ATP5MC2: variants seen among roughly 807,000 people sequenced by gnomAD.
ATP5MC2 encodes the protein ATP synthase F(0) complex subunit C2, mitochondrial.
A neutral mutation model predicts 13.5 loss-of-function variants in ATP5MC2; 11 were observed. The ratio of observed to expected loss-of-function variants is 0.81; its 90% CI spans 0.51 to 1.35. The LOEUF (loss-of-function observed/expected upper bound fraction) is 1.35, where lower values mean the gene tolerates loss of function less well. Among genes scored for constraint, ATP5MC2 ranks in the 40% most tolerant of loss-of-function variants. The probability of loss-of-function intolerance (pLI) is 0.00; values close to 1 mark genes in which losing one functional copy is unlikely to be tolerated. For missense variants in ATP5MC2, 132 were observed against 175.0 expected (o/e 0.75, Z 1.39); for synonymous variants, 64 against 69.7 (o/e 0.92, Z 0.41).
upstream of ATP5MC2, among the ~76,000 whole-genome samples, chr12:53,680,705 A>G (rs1375312612): frequency 6.6e-6 from 1 of 152,158 alleles, no homozygotes; most frequent in Non-Finnish European, 1.5e-5. Flanking sequence ...AAAATTATGA[A>G]ATATTTGATT....
chr12:53,675,384 T>A, intron 1 of ATP5MC2, among the ~76,000 whole-genome samples: 1 of 152,160 alleles, frequency 6.6e-6, no homozygotes, highest in African/African-American at 2.4e-5. Context: ...CATTTGTGAC[T>A]TTTACAACTT....
At position 53,665,391 on chromosome 12, in the gene ATP5MC2, T is replaced by C. The variant is rs1478690985; in HGVS notation, c.349A>G (p.Ile117Val). The change falls in exon 5 of 5, where the codon ATT (isoleucine) becomes GTT (valine). Residue 117 changes from isoleucine (I) to valine (V), a missense_variant. By Grantham distance (29) the Ile-to-Val change is conservative (BLOSUM62 3). Coordinates refer to ENST00000394349, the MANE Select transcript of ATP5MC2 (RefSeq NM_005176.7). ...SLKQQLFSYA[I>V]LGFALSEAMG... The stretch of plus-strand genomic sequence containing the variant: ...GCCTCCGAGAGGGCAAAGCCCAGAA[T>C]GGCGTAGGAGAAGAGCTGTTGCTTC... 5.6e-6 allele frequency: 9 copies of C among 1,613,624 alleles called. No individual in the cohort carries two copies. The highest frequency in any genetic ancestry group is 2.2e-5 in the East Asian group (1 of 44,882).
chr12:53,672,641 G>A lies in ATP5MC2; in HGVS notation c.-27C>T. 2 of 1,575,284 alleles carry A rather than the reference G, an allele frequency of 1.3e-6. No individual in the cohort carries two copies. Among genetic ancestry groups the A allele is most frequent in the Non-Finnish European group, 8.6e-7 (1 of 1,159,844 alleles). On this transcript the variant is annotated 5_prime_UTR_variant, in exon 2 of 5. Transcript: ENST00000394349. ...TTCAGGGGGTGAGGAGCTGTGGCAGGAGAGCTGGAATTACAGAAGCAGTAT... is the reference window on the plus strand; with the variant it reads ...TTCAGGGGGTGAGGAGCTGTGGCAGAAGAGCTGGAATTACAGAAGCAGTAT...
chr12:53,676,109 A>C, upstream of ATP5MC2: 1 of 1,614,272 alleles, frequency 6.2e-7, no homozygotes, highest in Non-Finnish European at 8.5e-7. Flanking sequence ...AGCGAAAGGA[A>C]GGCTCAGCGC....
upstream of ATP5MC2, among the ~76,000 whole-genome samples, chr12:53,679,278 A>AGAGAGAGG (rs1237908363): frequency 1.4e-5 from 2 of 139,244 alleles, no homozygotes; most frequent in African/African-American, 5.2e-5. Context: ...AGAGAGAGAG[A>AGAGAGAGG]GACCAGGGCA....
intron 1 of ATP5MC2, chr12:53,673,464 T>C (rs1385168747): frequency 6.6e-6 from 1 of 152,290 alleles, no homozygotes; most frequent in Non-Finnish European, 1.5e-5. Flanking sequence ...TTCCTGAAAA[T>C]ACTTCAATTT....
At chr12:53,676,377 C>G (rs1222214378), upstream of ATP5MC2, 1 of 788,730 alleles carries the variant, frequency 1.3e-6, no homozygotes, top group Non-Finnish European at 1.9e-6. Context: ...CGTCCCCTTT[C>G]CGAGCATGCG....
upstream of ATP5MC2, among the ~76,000 whole-genome samples, chr12:53,681,093 A>G (rs1020204960): frequency 4.0e-5 from 6 of 151,636 alleles, no homozygotes; most frequent in African/African-American, 1.5e-4. Flanking sequence ...TTTAGTAGAT[A>G]CGGAGTTTCA....
At chr12:53,679,288 A>G (rs1173134804), upstream of ATP5MC2, among the ~76,000 whole-genome samples, 2 of 150,298 alleles carry the variant, frequency 1.3e-5, no homozygotes, top group Admixed American at 6.6e-5. Context: ...AGACCAGGGC[A>G]CAGAGAAATG....
chr12:53,677,562 G>A (rs1466558175), upstream of ATP5MC2, among the ~76,000 whole-genome samples: 1 of 152,192 alleles, frequency 6.6e-6, no homozygotes, highest in Non-Finnish European at 1.5e-5. Flanking sequence ...TGAAAGGGAG[G>A]GGAAGGAGTG....
chr12:53,669,235 A>G lies in ATP5MC2; in HGVS notation c.224T>C (p.Ile75Thr), dbSNP rs1413598658. Residue 75 changes from isoleucine to threonine, a missense_variant, in exon 4 of 5, where the codon ATT becomes ACT. By Grantham distance (89) the Ile-to-Thr change is moderately conservative. Coordinates refer to ENST00000394349, the MANE Select transcript of ATP5MC2 (RefSeq NM_005176.7). ...SRDIDTAAKF[I>T]GAGAATVGVA... ...CCCAACTGTGGCAGCCCCAGCTCCA[A>G]TGAACTTGGCTGCTGTGTCGATGTC... 3.1e-6 allele frequency: 5 copies of G among 1,613,968 alleles called. No individual in the cohort carries two copies. The highest frequency in any genetic ancestry group is 4.2e-6 in the Non-Finnish European group (5 of 1,179,978).
upstream of ATP5MC2, chr12:53,676,206 G>C: frequency 6.2e-7 from 1 of 1,610,882 alleles, no homozygotes; most frequent in Non-Finnish European, 8.5e-7. Flanking sequence ...AGCGCCGCCT[G>C]CCAGGGCTGT....
rs755992457 is a variant in ATP5MC2 at position 53,676,066 on chromosome 12, A to T, written c.-45T>A. On this transcript the variant is annotated 5_prime_UTR_variant, in exon 1 of 5. Coordinates refer to ENST00000394349, the MANE Select transcript of ATP5MC2 (RefSeq NM_005176.7). ...CCAAGGCCTTACCTGCTCCCACTGC[A>T]GAGAAGACAGAGAGGGGCGGAGCAG... The T allele has an allele frequency of 6.2e-7, 1 of 1,614,146 alleles. No homozygotes were observed. The highest frequency in any genetic ancestry group is 8.5e-7 in the Non-Finnish European group (1 of 1,180,026).
rs1390194186 is a variant in ATP5MC2, at chr12:53,667,956, C to CACATATATAT, written c.311+1191_311+1192insATATATATGT. ...TCTAATACATACATACATACACACA[C>CACATATATAT]ATATATATATATATATATATATATA... On this transcript the variant is annotated intron_variant, in intron 4 of 4. Transcript: ENST00000394349. 1.7e-3 allele frequency among the ~76,000 whole-genome samples: 111 copies of CACATATATAT among 67,236 alleles called. 1 individual carries two copies. The highest frequency in any genetic ancestry group is 0.011 in the Middle Eastern group (1 of 88). 44.1% of individuals were successfully genotyped at this position (67,236 alleles called of 152,430 possible).
In ATP5MC2 at chr12:53,669,322, A is replaced by G; in HGVS notation, c.137T>C (p.Val46Ala). ...GACAAGTGAGGTAAGGGGACATGAG[A>G]CTGCCAAGCTGCTGAGGCTCTGTGA... ...LTDESLSSLAVSCPLTSLVSS... is the reference protein window; with the variant it reads ...LTDESLSSLAASCPLTSLVSS... Residue 46 changes from valine (V) to alanine (A), a missense_variant, in exon 4 of 5, where the codon GTC becomes GCC. Physicochemically the swap from Val to Ala is moderately conservative, Grantham distance 64 (BLOSUM62 0). Transcript: ENST00000394349. 1 of 1,613,334 alleles carries G rather than the reference A, an allele frequency of 6.2e-7. No individual in the cohort carries two copies. The highest frequency in any genetic ancestry group is 2.2e-5 in the East Asian group (1 of 44,874).
In ATP5MC2 at chr12:53,669,145, T is replaced by C; in HGVS notation, c.311+3A>G. On this transcript the variant is annotated splice_donor_region_variant and intron_variant, in intron 4 of 4. Coordinates refer to ENST00000394349, the MANE Select transcript of ATP5MC2 (RefSeq NM_005176.7). ...AACCAGTGGAGGGTCCAACTTATCT[T>C]ACCTGGCATAACCAATGATGAGGCT... 1 of 1,604,292 alleles carries C rather than the reference T, an allele frequency of 6.2e-7. No individual in the cohort carries two copies.
chr12:53,666,168 G>T (rs1944908509), intron 4 of ATP5MC2, among the ~76,000 whole-genome samples: 1 of 152,110 alleles, frequency 6.6e-6, no homozygotes, highest in South Asian at 2.1e-4. Flanking sequence ...ATTAGGCCAG[G>T]CGCGGTGGCT....
At chr12:53,676,253 G>A (rs539967579), upstream of ATP5MC2, 35 of 1,584,252 alleles carry the variant, frequency 2.2e-5, no homozygotes, top group Non-Finnish European at 2.7e-5. Context: ...TGGCGTTCGA[G>A]AGGAGAAACT....
upstream of ATP5MC2, chr12:53,676,291 G>T: frequency 6.5e-7 from 1 of 1,530,812 alleles, no homozygotes; most frequent in Non-Finnish European, 8.8e-7. Context: ...CAGAAATGAG[G>T]CCAACTCCGC....
Sources: allele counts gnomAD v4.1 joint callset (sites outside exome capture counted in the v4.1 genomes callset), GRCh38; gene constraint gnomAD v4.1.1; transcripts MANE v1.5; gene names NCBI Gene and HGNC (gene_info 2026-07-23, HGNC 2026-07-21).